Variants in FANCI observed in about 807,000 individuals in gnomAD.
FANCI encodes Fanconi anemia group I protein.
FANCI carries 156 observed loss-of-function variants against 176.1 expected under a neutral mutation model. That is an observed-to-expected ratio of 0.89 (90% CI 0.78 to 1.01). The LOEUF is 1.01. FANCI is among the 50% of genes least tolerant of loss of function. The probability of loss-of-function intolerance (pLI) is 0.00; values close to 1 mark genes in which losing one functional copy is unlikely to be tolerated. For synonymous variants in FANCI, 613 were observed against 541.7 expected, an observed-to-expected ratio of 1.13 and a Z score of -1.83; for missense variants, 1,678 against 1,534.1, an observed-to-expected ratio of 1.09 and a Z score of -1.57.
rs1332788738 is a variant in FANCI, at chr15:89,268,395, T to A, written c.756-4T>A. ...AGCTCATAACTTTCTGTTGAATCTTTTAGGCTATTGGATGTTGTCACTGTG... is the reference window on the plus strand; with the variant it reads ...AGCTCATAACTTTCTGTTGAATCTTATAGGCTATTGGATGTTGTCACTGTG... On this transcript the variant is annotated splice_region_variant and splice_polypyrimidine_tract_variant and intron_variant, in intron 9 of 37. Coordinates refer to ENST00000310775, the MANE Select transcript of FANCI (RefSeq NM_001113378.2). 2 of 1,614,178 alleles carry A rather than the reference T, an allele frequency of 1.2e-6. No individual in the cohort carries two copies. Among genetic ancestry groups the A allele is most frequent in the African/African-American group, 2.7e-5 (2 of 75,062 alleles).
At chr15:89,285,309 C>T in intron 18 of FANCI, 91 bp downstream of exon 18, 1 of 1,510,688 alleles carries the variant, frequency 6.6e-7, no homozygotes, top group Non-Finnish European at 9.0e-7. Context: ...AGTACAATAG[C>T]TATGCTCTTA....
intron 24 of FANCI, among the ~76,000 whole-genome samples, chr15:89,296,426 T>A (rs1452944041): frequency 6.6e-6 from 1 of 151,972 alleles, no homozygotes; most frequent in Non-Finnish European, 1.5e-5. Context: ...TTTTTTTTGT[T>A]TTGTTTTGTT....
At chr15:89,254,320 T>A (rs982982875) in intron 2 of FANCI, among the ~76,000 whole-genome samples, 5 of 152,156 alleles carry the variant, frequency 3.3e-5, no homozygotes, top group African/African-American at 1.2e-4. Context: ...GAGAAACGGA[T>A]AAGTTTATGC....
chr15:89,256,738 A>G (rs1334197116), intron 2 of FANCI, among the ~76,000 whole-genome samples: 1 of 152,154 alleles, frequency 6.6e-6, no homozygotes, highest in African/African-American at 2.4e-5. Context: ...TGAGCCTCAC[A>G]GCAGACCCGA....
chr15:89,273,605 G>A (rs2053291515), intron 11 of FANCI, 136 bp downstream of exon 11: 1 of 657,692 alleles, frequency 1.5e-6, no homozygotes, highest in Non-Finnish European at 2.7e-6. Context: ...CAGCAAAGCT[G>A]CAATAAGACA....
intron 1 of FANCI, chr15:89,244,368 A>G (rs757231653): frequency 6.6e-6 from 1 of 152,114 alleles, no homozygotes; most frequent in African/African-American, 2.4e-5. Context: ...GCTTCGTGTT[A>G]TAGTTTTTGT....
chr15:89,290,197 C>T lies in FANCI; in HGVS notation c.1822-16C>T. 1 of 1,607,514 alleles carries T rather than the reference C, an allele frequency of 6.2e-7. No individual in the cohort carries two copies. The highest frequency in any genetic ancestry group is 8.5e-7 in the Non-Finnish European group (1 of 1,173,980). On this transcript the variant is annotated splice_polypyrimidine_tract_variant and intron_variant, in intron 18 of 37. Transcript: ENST00000310775. Reference sequence around the variant, plus strand: ...CTCTGTTAAAGTGCTTATTTCTTCTCTTTGATTCCTCTTAGGGGTTTTATG... The same window carrying T: ...CTCTGTTAAAGTGCTTATTTCTTCTTTTTGATTCCTCTTAGGGGTTTTATG...
chr15:89,257,103 T>C (rs1468375277), intron 2 of FANCI, among the ~76,000 whole-genome samples: 1 of 152,170 alleles, frequency 6.6e-6, no homozygotes, highest in Non-Finnish European at 1.5e-5. Context: ...AGACGGGGTT[T>C]CACCGTGTTA....
intron 10 of FANCI, among the ~76,000 whole-genome samples, chr15:89,270,580 A>G (rs986135300): frequency 2.0e-5 from 3 of 151,788 alleles, no homozygotes; most frequent in Non-Finnish European, 2.9e-5. Context: ...AGAAAATTTT[A>G]ATTGCATCTT....
chr15:89,299,915 G>A lies in FANCI; in HGVS notation c.2752G>A (p.Ala918Thr). The change falls in exon 25 of 38, where the codon GCT (alanine) becomes ACT (threonine). Residue 918 changes from alanine (A) to threonine (T), a missense_variant. Transcript: ENST00000310775. Reference sequence around the variant, plus strand: ...GGAGGGTTTACAGAAAATATTCAGTGCTGTGCAACAGTTCTATCAGCCCAA... The same window carrying A: ...GGAGGGTTTACAGAAAATATTCAGTACTGTGCAACAGTTCTATCAGCCCAA... ...CLEGLQKIFS[A>T]VQQFYQPKIQ... 1 of 1,614,100 alleles carries A rather than the reference G, an allele frequency of 6.2e-7. No homozygotes were observed. Among genetic ancestry groups the A allele is most frequent in the Non-Finnish European group, 8.5e-7 (1 of 1,179,994 alleles).
chr15:89,296,307 CAT>C (rs1217940570), intron 24 of FANCI, among the ~76,000 whole-genome samples: 1 of 150,434 alleles, frequency 6.6e-6, no homozygotes, highest in East Asian at 1.9e-4. Context: ...AGGATTTCAC[CAT>C]ATTGCCCAGG....
chr15:89,290,564 A>G (rs944991558), intron 19 of FANCI: 6 of 391,538 alleles, frequency 1.5e-5, no homozygotes, highest in Non-Finnish European at 2.4e-5. Flanking sequence ...GACCATTGCA[A>G]CTGTATCCAT....
At chr15:89,282,958 A>G (rs1273061180) in intron 16 of FANCI, 178 bp from the exon 17 acceptor site, 3 of 650,104 alleles carry the variant, frequency 4.6e-6, no homozygotes, top group Non-Finnish European at 8.3e-6. Context: ...TTTCTGTACT[A>G]TAAATTGCTT....
chr15:89,316,456 A>ATAAAT lies in FANCI; in HGVS notation c.3985_*2dup. 6.2e-7 allele frequency: 1 copy of ATAAAT among 1,609,716 alleles called. No homozygotes were observed. Among genetic ancestry groups the ATAAAT allele is most frequent in the Non-Finnish European group, 8.5e-7 (1 of 1,177,396 alleles). The stretch of plus-strand genomic sequence containing the variant: ...AACCAGCCAAGAAGAAAAGGAAAAA[A>ATAAAT]TAAATGAAATGCCTGAGTTAATGTG... On this transcript the variant is annotated frameshift_variant and stop_retained_variant, in exon 38 of 38. Coordinates refer to ENST00000310775, the MANE Select transcript of FANCI (RefSeq NM_001113378.2). LOFTEE classifies it high-confidence loss of function.
At chr15:89,254,759 C>T (rs959235299) in intron 2 of FANCI, among the ~76,000 whole-genome samples, 1 of 152,152 alleles carries the variant, frequency 6.6e-6, no homozygotes, top group African/African-American at 2.4e-5. Flanking sequence ...TTATAGTGAG[C>T]TATGACTGTG....
intron 27 of FANCI, among the ~76,000 whole-genome samples, chr15:89,301,910 G>C (rs1482664371): frequency 6.6e-6 from 1 of 152,214 alleles, no homozygotes; most frequent in Non-Finnish European, 1.5e-5. Context: ...TTCAGAAAGT[G>C]TAACTATAGT....
intron 1 of FANCI, chr15:89,245,167 C>CTTTTTTTTTTTTTTT (rs1567132810): frequency 8.2e-5 from 10 of 121,276 alleles, no homozygotes; most frequent in African/African-American, 3.6e-4. Context: ...CTTTTCTTTT[C>CTTTTTTTTTTTTTTT]TTTTCTTTTC....
At chr15:89,258,898 A>T in intron 3 of FANCI, 122 bp downstream of exon 3, 1 of 778,994 alleles carries the variant, frequency 1.3e-6, no homozygotes. Flanking sequence ...TGAGGATTCT[A>T]CAGAATCAAC....
In FANCI at chr15:89,264,571, T is replaced by A; in HGVS notation, c.719T>A (p.Leu240Gln). The change falls in exon 9 of 38, where the codon CTA (leucine) becomes CAA (glutamine). Residue 240 changes from leucine (L) to glutamine (Q), a missense_variant. Transcript: ENST00000310775. ...LEGIIAFFSALDKQHNEEQSG... is the reference protein window; with the variant it reads ...LEGIIAFFSAQDKQHNEEQSG... The stretch of plus-strand genomic sequence containing the variant: ...GGAATCATAGCCTTCTTCAGTGCAC[T>A]AGATAAGCAGCACAATGAGGAACAG... 6.2e-7 allele frequency: 1 copy of A among 1,613,848 alleles called. No homozygotes were observed.
Sources: allele counts gnomAD v4.1 joint callset (sites outside exome capture counted in the v4.1 genomes callset), GRCh38; gene constraint gnomAD v4.1.1; transcripts MANE v1.5; gene names NCBI Gene and HGNC (gene_info 2026-07-23, HGNC 2026-07-21).